The following ROBO1 variants were observed in gnomAD, a reference collection of about 807,000 sequenced individuals.
ROBO1 encodes roundabout guidance receptor 1.
In ROBO1, 149 loss-of-function variants were observed where a neutral mutation model predicts 195.9. The observed-to-expected ratio is 0.76, with a 90% CI of 0.67 to 0.87. The LOEUF is 0.87. Ranked by LOEUF, ROBO1 falls within the 40% of genes least tolerant of loss-of-function variation. The pLI, the probability that ROBO1 is intolerant of heterozygous loss-of-function variation, is 0.00. For missense variants in ROBO1, 1,933 were observed against 2,068.3 expected (o/e 0.93, Z 1.27); for synonymous variants, 816 against 733.2 (o/e 1.11, Z -1.82).
At chr3:79,650,907 T>A (rs998192203) in intron 1 of ROBO1, among the ~76,000 whole-genome samples, 2 of 151,972 alleles carry the variant, frequency 1.3e-5, no homozygotes, top group East Asian at 3.9e-4. Flanking sequence ...TTAAATAACA[T>A]GTTATTAAAT....
chr3:78,636,309 C>T (rs1705499464), intron 22 of ROBO1, among the ~76,000 whole-genome samples: 1 of 152,060 alleles, frequency 6.6e-6, no homozygotes, highest in Admixed American at 6.6e-5. Context: ...AGAGGGTACA[C>T]AGAATTTGTA....
intron 3 of ROBO1, among the ~76,000 whole-genome samples, chr3:78,989,169 G>A (rs1254373274): frequency 6.6e-6 from 1 of 152,092 alleles, no homozygotes; most frequent in Admixed American, 6.6e-5. Context: ...ATAGCTAGAA[G>A]GAGGATATTG....
At chr3:79,210,722 A>T (rs934983426) in intron 2 of ROBO1, among the ~76,000 whole-genome samples, 3 of 152,140 alleles carry the variant, frequency 2.0e-5, no homozygotes, top group Non-Finnish European at 4.4e-5. Context: ...TTGAAGACCT[A>T]GTATCTGAAG....
intron 2 of ROBO1, among the ~76,000 whole-genome samples, chr3:79,311,754 A>T (rs189589767): frequency 1.7e-4 from 26 of 152,244 alleles, no homozygotes; most frequent in Admixed American, 5.9e-4. Context: ...TACGTACATT[A>T]ACTTAATCAG....
intron 4 of ROBO1, among the ~76,000 whole-genome samples, chr3:78,766,078 T>G (rs1420926504): frequency 6.6e-6 from 1 of 152,170 alleles, no homozygotes; most frequent in African/African-American, 2.4e-5. Context: ...CCAAGTATAC[T>G]TTTGACCACA....
intron 1 of ROBO1, among the ~76,000 whole-genome samples, chr3:79,627,794 A>G (rs1945222861): frequency 6.6e-6 from 1 of 152,226 alleles, no homozygotes; most frequent in African/African-American, 2.4e-5. Context: ...GAACTTAAAC[A>G]AATTTACCAG....
At chr3:78,785,918 T>G (rs74649991) in intron 4 of ROBO1, among the ~76,000 whole-genome samples, 6,487 of 152,324 alleles carry the variant, frequency 0.043, 195 homozygotes, top group Non-Finnish European at 0.065. Context: ...AGAGGGCTGT[T>G]GTATTTTAAC....
chr3:78,826,527 C>T (rs149413040), intron 4 of ROBO1, among the ~76,000 whole-genome samples: 60 of 152,172 alleles, frequency 3.9e-4, no homozygotes, highest in East Asian at 3.5e-3. Flanking sequence ...GTGTACAAGG[C>T]GAGAGATGGT....
intron 2 of ROBO1, among the ~76,000 whole-genome samples, chr3:79,374,992 C>T (rs761972852): frequency 9.2e-5 from 14 of 152,154 alleles, no homozygotes; most frequent in Non-Finnish European, 1.3e-4. Context: ...ATTTATTCAA[C>T]GTTTATTTAT....
At chr3:79,231,996 T>A (rs2082328751) in intron 2 of ROBO1, among the ~76,000 whole-genome samples, 2 of 152,012 alleles carry the variant, frequency 1.3e-5, no homozygotes, top group South Asian at 4.1e-4. Flanking sequence ...TTCTCACTTA[T>A]AAGTGGGAGC....
chr3:78,710,982 A>G (rs1313229869), intron 8 of ROBO1, among the ~76,000 whole-genome samples: 1 of 152,222 alleles, frequency 6.6e-6, no homozygotes, highest in African/African-American at 2.4e-5. Context: ...GGTAAGTTTA[A>G]GAAACAGTGT....
intron 2 of ROBO1, among the ~76,000 whole-genome samples, chr3:79,585,445 T>C (rs1460717758): frequency 1.3e-5 from 2 of 151,994 alleles, no homozygotes; most frequent in African/African-American, 4.8e-5. Flanking sequence ...TCCAACAGGA[T>C]ATATTATGTT....
At chr3:78,939,065 T>A in intron 3 of ROBO1, 138 bp from the exon 4 acceptor site, 1 of 736,560 alleles carries the variant, frequency 1.4e-6, no homozygotes, top group Non-Finnish European at 2.2e-6. Context: ...TTACTAACAA[T>A]CTTTCTGGTG....
rs532902706 is a variant in ROBO1 at position 79,616,961 on chromosome 3, C to T, written c.-50-27000G>A. 3.9e-5 allele frequency among the ~76,000 whole-genome samples: 6 copies of T among 152,272 alleles called. No individual in the cohort carries two copies. The South Asian group carries it at 1.2e-3, about 32-fold the overall frequency. On this transcript the variant is annotated intron_variant, in intron 1 of 30. Transcript: ENST00000464233. Reference sequence around the variant, plus strand: ...TAAGGGAAGAGGATCCACCCCAAGGCCATTTTGGTGGTAGCTGCAGTTCAA... The same window carrying T: ...TAAGGGAAGAGGATCCACCCCAAGGTCATTTTGGTGGTAGCTGCAGTTCAA...
intron 2 of ROBO1, among the ~76,000 whole-genome samples, chr3:79,152,439 C>T (rs1004048237): frequency 2.6e-5 from 4 of 151,742 alleles, no homozygotes; most frequent in African/African-American, 7.3e-5. Flanking sequence ...TGCGTTGACC[C>T]TTCACTGCAT....
At chr3:78,614,562 C>A in intron 28 of ROBO1, 86 bp downstream of exon 28, 1 of 1,373,568 alleles carries the variant, frequency 7.3e-7, no homozygotes, top group Non-Finnish European at 9.9e-7. Flanking sequence ...TAATTTCTAA[C>A]GTCAGTGAAT....
intron 4 of ROBO1, among the ~76,000 whole-genome samples, chr3:78,914,609 C>T (rs981486198): frequency 1.1e-4 from 16 of 151,062 alleles, no homozygotes; most frequent in South Asian, 4.2e-4. Flanking sequence ...TTTTATTACA[C>T]GTAACTTGCT....
At chr3:79,471,831 A>T (rs1938292806) in intron 2 of ROBO1, among the ~76,000 whole-genome samples, 1 of 152,054 alleles carries the variant, frequency 6.6e-6, no homozygotes, top group Non-Finnish European at 1.5e-5. Flanking sequence ...AAACTGTCAC[A>T]AGAACAGAAA....
At chr3:79,281,295 T>A (rs2031486931) in intron 2 of ROBO1, among the ~76,000 whole-genome samples, 1 of 150,464 alleles carries the variant, frequency 6.6e-6, no homozygotes, top group African/African-American at 2.5e-5. Context: ...CCATTTCATA[T>A]ATTCTTATTT....
Sources: gnomAD v4.1 joint callset for allele counts (sites outside exome capture counted in the v4.1 genomes callset) on GRCh38, gnomAD v4.1.1 for gene constraint, MANE v1.5 for transcripts, NCBI Gene and HGNC (gene_info 2026-07-23, HGNC 2026-07-21) for gene names.